Variants in TCERG1L observed in about 807,000 individuals in gnomAD.
The protein encoded by TCERG1L is transcription elongation regulator 1-like protein.
In TCERG1L, 37 loss-of-function variants were observed where a neutral mutation model predicts 56.3. That is an observed-to-expected ratio of 0.66 (90% confidence interval 0.51 to 0.87). The LOEUF (loss-of-function observed/expected upper bound fraction) is 0.87. TCERG1L is among the 40% of genes least tolerant of loss of function. The pLI is 0.00. For missense variants in TCERG1L, 799 were observed against 774.2 expected (o/e 1.03, Z -0.38); for synonymous variants, 324 against 326.3 (o/e 0.99, Z 0.08).
intron 3 of TCERG1L, among the ~76,000 whole-genome samples, chr10:131,288,658 T>C (rs1030347172): frequency 6.6e-6 from 1 of 151,750 alleles, no homozygotes; most frequent in Non-Finnish European, 1.5e-5. Context: ...ATGAAATGAG[T>C]TAAGATGCTA....
chr10:131,306,375 C>A (rs960068005), intron 3 of TCERG1L, among the ~76,000 whole-genome samples: 3 of 151,280 alleles, frequency 2.0e-5, no homozygotes, highest in African/African-American at 2.4e-5. Context: ...CTCCCCAAAA[C>A]ATAATTAAAA....
At chr10:131,235,215 G>C (rs187338462) in intron 4 of TCERG1L, among the ~76,000 whole-genome samples, 1 of 152,220 alleles carries the variant, frequency 6.6e-6, no homozygotes, top group African/African-American at 2.4e-5. Context: ...CTTACCACAT[G>C]TACCAACAAA....
chr10:131,129,622 C>T (rs1845597336), intron 8 of TCERG1L, among the ~76,000 whole-genome samples: 1 of 152,170 alleles, frequency 6.6e-6, no homozygotes, highest in African/African-American at 2.4e-5. Context: ...CAGCTAAGCA[C>T]ACACTGGACC....
At chr10:131,227,945 G>A (rs1332404088) in intron 4 of TCERG1L, among the ~76,000 whole-genome samples, 1 of 152,110 alleles carries the variant, frequency 6.6e-6, no homozygotes, top group African/African-American at 2.4e-5. Context: ...CCCTGGCTGA[G>A]TGCATTTCCG....
rs1247986600 is a variant in TCERG1L at position 131,108,050 on chromosome 10, C to G, written c.1396-3696G>C. ...GTAGAACAACCAGGGGAAGAAAGCC[C>G]GTCAACTGAGTAGACAGCAAGCTGC... On this transcript the variant is annotated intron_variant, in intron 9 of 11. Coordinates refer to ENST00000368642, the MANE Select transcript of TCERG1L (RefSeq NM_174937.4). Among the ~76,000 whole-genome samples, 17 of 152,116 alleles carry G rather than the reference C, an allele frequency of 1.1e-4. No homozygotes were observed. In the East Asian group the frequency reaches 3.1e-3, roughly 28 times the overall value.
rs1008973089 is a variant in TCERG1L at position 131,147,469 on chromosome 10, G to A, written c.1035-809C>T. ...CCCCGCGCTGTCCCCACGAGCAAGC[G>A]CGGCAGATAAAGGCCAGCAAGGCCG... On this transcript the variant is annotated intron_variant, in intron 6 of 11. Coordinates refer to ENST00000368642, the MANE Select transcript of TCERG1L (RefSeq NM_174937.4). Among the ~76,000 whole-genome samples the A allele has an allele frequency of 4.7e-4, 72 of 152,314 alleles. No individual in the cohort carries two copies. The Middle Eastern group carries it at 0.01, about 22-fold the overall frequency.
At chr10:131,252,305 G>C (rs1042039561) in intron 4 of TCERG1L, among the ~76,000 whole-genome samples, 1 of 152,074 alleles carries the variant, frequency 6.6e-6, no homozygotes, top group African/African-American at 2.4e-5. Context: ...CCTGCCACAC[G>C]GTTGTCCACA....
At chr10:131,198,477 G>A (rs1275961632) in intron 4 of TCERG1L, among the ~76,000 whole-genome samples, 1 of 152,220 alleles carries the variant, frequency 6.6e-6, no homozygotes, top group Non-Finnish European at 1.5e-5. Flanking sequence ...CACTGCCATA[G>A]CAAAACACCA....
At chr10:131,276,100 C>A (rs1204638977) in intron 3 of TCERG1L, among the ~76,000 whole-genome samples, 2 of 152,200 alleles carry the variant, frequency 1.3e-5, no homozygotes, top group Non-Finnish European at 2.9e-5. Context: ...AGACAGCATT[C>A]TCCTCCTGAA....
intron 4 of TCERG1L, among the ~76,000 whole-genome samples, chr10:131,187,123 G>A (rs1213797270): frequency 1.3e-5 from 2 of 152,214 alleles, no homozygotes; most frequent in African/African-American, 4.8e-5. Flanking sequence ...AGCTCCGAGG[G>A]AAATAGAGAA....
intron 3 of TCERG1L, among the ~76,000 whole-genome samples, chr10:131,293,971 G>A (rs1273725911): frequency 6.6e-6 from 1 of 152,186 alleles, no homozygotes; most frequent in East Asian, 1.9e-4. Context: ...CGTGGTGGCT[G>A]TAGGTAAGGC....
At chr10:131,099,852 G>C (rs956639202) in intron 10 of TCERG1L, among the ~76,000 whole-genome samples, 1 of 151,998 alleles carries the variant, frequency 6.6e-6, no homozygotes, top group African/African-American at 2.4e-5. Flanking sequence ...AATATGATTG[G>C]CTTCTTTTTT....
chr10:131,227,514 A>G (rs1795017655), intron 4 of TCERG1L, among the ~76,000 whole-genome samples: 1 of 152,192 alleles, frequency 6.6e-6, no homozygotes, highest in Admixed American at 6.5e-5. Flanking sequence ...CACCTAATAT[A>G]GACCTGAGAT....
At chr10:131,227,070 C>T (rs137993602) in intron 4 of TCERG1L, among the ~76,000 whole-genome samples, 8 of 152,358 alleles carry the variant, frequency 5.3e-5, no homozygotes, top group Admixed American at 3.3e-4. Context: ...GTTTCGCCCT[C>T]GGCCCTCACA....
intron 3 of TCERG1L, among the ~76,000 whole-genome samples, chr10:131,272,990 G>A (rs1005458123): frequency 6.6e-6 from 1 of 152,218 alleles, no homozygotes; most frequent in Non-Finnish European, 1.5e-5. Context: ...TGCTGATGGG[G>A]AGGGTCTGTC....
At chr10:131,240,939 A>T (rs1845965247) in intron 4 of TCERG1L, among the ~76,000 whole-genome samples, 1 of 152,234 alleles carries the variant, frequency 6.6e-6, no homozygotes, top group East Asian at 1.9e-4. Flanking sequence ...CAATCCCAAG[A>T]GACTCATCCA....
At chr10:131,191,965 A>G (rs1845308829) in intron 4 of TCERG1L, among the ~76,000 whole-genome samples, 1 of 141,946 alleles carries the variant, frequency 7.0e-6, no homozygotes, top group African/African-American at 2.7e-5. Context: ...ACATTGACCT[A>G]GGCAAACAAT....
At chr10:131,236,746 A>T (rs765253948) in intron 4 of TCERG1L, among the ~76,000 whole-genome samples, 1 of 152,128 alleles carries the variant, frequency 6.6e-6, no homozygotes, top group Non-Finnish European at 1.5e-5. Flanking sequence ...ATCCGCCAGG[A>T]GCCTCTCCTC....
rs545304471 is a variant in TCERG1L, at chr10:131,208,729, C to G, written c.857-41844G>C. On this transcript the variant is annotated intron_variant, in intron 4 of 11. Coordinates refer to ENST00000368642, the MANE Select transcript of TCERG1L (RefSeq NM_174937.4). Reference sequence around the variant, plus strand: ...CTGACCCCAGAAGTGGAGAATTTCACATCTCACCTCATGTGGCTCATCTCA... The same window carrying G: ...CTGACCCCAGAAGTGGAGAATTTCAGATCTCACCTCATGTGGCTCATCTCA... 2.6e-5 allele frequency among the ~76,000 whole-genome samples: 4 copies of G among 152,352 alleles called. No homozygotes were observed. The East Asian group carries it at 7.7e-4, about 29-fold the overall frequency.
Sources: gnomAD v4.1 joint callset for allele counts (sites outside exome capture counted in the v4.1 genomes callset) on GRCh38, gnomAD v4.1.1 for gene constraint, MANE v1.5 for transcripts, NCBI Gene and HGNC (gene_info 2026-07-23, HGNC 2026-07-21) for gene names.